SLC25A48: variants seen among roughly 807,000 people sequenced by gnomAD.
SLC25A48 encodes the protein CTC-321K16.1.
In SLC25A48, 29 loss-of-function variants were observed where a neutral mutation model predicts 32.2. The ratio of observed to expected loss-of-function variants is 0.90; its 90% confidence interval spans 0.67 to 1.23. The LOEUF is 1.23. SLC25A48 is among the 50% of genes most tolerant of loss of function. SLC25A48 has a pLI of 0.00. For synonymous variants in SLC25A48, 164 were observed against 172.3 expected (o/e 0.95, Z 0.38); for missense variants, 399 against 422.7 (o/e 0.94, Z 0.49).
intron 1 of SLC25A48, among the ~76,000 whole-genome samples, chr5:135,608,967 A>G (rs1290798597): frequency 2.6e-5 from 4 of 152,214 alleles, no homozygotes; most frequent in Non-Finnish European, 5.9e-5. Flanking sequence ...GATATCTGCC[A>G]TGTTGGGCTC....
At chr5:135,796,327 G>A (rs1363193261) in intron 3 of SLC25A48, among the ~76,000 whole-genome samples, 1 of 151,368 alleles carries the variant, frequency 6.6e-6, no homozygotes, top group Non-Finnish European at 1.5e-5. Flanking sequence ...TGGGGGGTGT[G>A]CACCCCCCTG....
At chr5:135,637,270 G>A (rs1440971405) in intron 3 of SLC25A48, among the ~76,000 whole-genome samples, 4 of 152,212 alleles carry the variant, frequency 2.6e-5, no homozygotes, top group African/African-American at 9.6e-5. Context: ...GAGGAGGAAA[G>A]CTTCGTAAAG....
chr5:135,646,681 A>ATATATATAT (rs1420073417), intron 3 of SLC25A48, among the ~76,000 whole-genome samples: 13 of 144,360 alleles, frequency 9.0e-5, no homozygotes, highest in South Asian at 2.2e-4. Context: ...ATATATATAC[A>ATATATATAT]ATGGGAAGGA....
intron 3 of SLC25A48, among the ~76,000 whole-genome samples, chr5:135,774,658 T>G (rs1756501541): frequency 1.3e-5 from 2 of 151,518 alleles, no homozygotes; most frequent in South Asian, 4.2e-4. Flanking sequence ...TCCCAAAAAG[T>G]GTATTTTGGG....
intron 3 of SLC25A48, among the ~76,000 whole-genome samples, chr5:135,799,548 C>G (rs1387572407): frequency 2.6e-5 from 4 of 151,380 alleles, no homozygotes; most frequent in Non-Finnish European, 5.9e-5. Context: ...TGTGTACACC[C>G]CCCTGTTGTA....
intron 3 of SLC25A48, among the ~76,000 whole-genome samples, chr5:135,756,731 A>G (rs1755916371): frequency 6.6e-6 from 1 of 152,112 alleles, no homozygotes; most frequent in Non-Finnish European, 1.5e-5. Flanking sequence ...CAGTGTTAAC[A>G]CACCATAATA....
At chr5:135,729,534 T>TAC (rs1219167197) in intron 3 of SLC25A48, among the ~76,000 whole-genome samples, 27 of 152,206 alleles carry the variant, frequency 1.8e-4, no homozygotes, top group Non-Finnish European at 7.3e-5. Flanking sequence ...CTGTAAGTTG[T>TAC]CAGCCTAAAA....
intron 1 of SLC25A48, among the ~76,000 whole-genome samples, chr5:135,585,692 A>G (rs1256603882): frequency 2.0e-5 from 3 of 152,196 alleles, no homozygotes; most frequent in Non-Finnish European, 4.4e-5. Flanking sequence ...CTAGTGTGTT[A>G]CAGAGTCAGA....
Position 135,674,891 on chromosome 5 carries a change from G to T in SLC25A48, c.-521+39935G>T, listed in dbSNP as rs950641647. Among the ~76,000 whole-genome samples the T allele has an allele frequency of 2.1e-5, 3 of 140,344 alleles. No homozygotes were observed. The Admixed American group carries it at 2.2e-4, about 10-fold the overall frequency. The allele number at this position is 140,344 out of a possible 152,430, so 92.1% of individuals were successfully genotyped here. A position where few individuals can be genotyped will look rare whatever the true frequency, so the allele number is the denominator to read the frequency against. Reference sequence around the variant, plus strand: ...AGTAATGGGATTGCTGGATCTTATGGTCATTCTATTTTTAGTGGGGTTTTT... The same window carrying T: ...AGTAATGGGATTGCTGGATCTTATGTTCATTCTATTTTTAGTGGGGTTTTT... On this transcript the variant is annotated intron_variant, in intron 3 of 10. Coordinates refer to the SLC25A48 transcript ENST00000646290.
intron 1 of SLC25A48, among the ~76,000 whole-genome samples, chr5:135,624,714 G>A (rs1387243976): frequency 6.6e-6 from 1 of 152,208 alleles, no homozygotes; most frequent in East Asian, 1.9e-4. Flanking sequence ...AAAAGTTGGT[G>A]CTTGTTTGAA....
intron 3 of SLC25A48, among the ~76,000 whole-genome samples, chr5:135,663,540 CTCCCATGTCTCTTCA>C (rs1404324890): frequency 6.6e-6 from 1 of 152,234 alleles, no homozygotes; most frequent in Non-Finnish European, 1.5e-5. Flanking sequence ...GGAAATCCTT[CTCCCATGTCTCTTCA>C]TCCCTGATTT....
In SLC25A48 at chr5:135,782,544, A is replaced by G. The variant is rs1423371760; in HGVS notation, c.-520-29979A>G. Among the ~76,000 whole-genome samples the G allele has an allele frequency of 2.2e-4, 26 of 116,836 alleles. 8 individuals are homozygous for G. Among genetic ancestry groups the G allele is most frequent in the Admixed American group, 1.9e-3 (22 of 11,430 alleles). 76.6% of individuals were successfully genotyped at this position (116,836 alleles called of 152,430 possible). Reference sequence around the variant, plus strand: ...AATATCCAGGGAAGGAGAGGATGATATTACTTTTAATATGGTAGGGAGGGT... The same window carrying G: ...AATATCCAGGGAAGGAGAGGATGATGTTACTTTTAATATGGTAGGGAGGGT... On this transcript the variant is annotated intron_variant, in intron 3 of 10. Transcript: ENST00000646290.
intron 3 of SLC25A48, among the ~76,000 whole-genome samples, chr5:135,688,366 T>C (rs1011858193): frequency 6.6e-6 from 1 of 152,188 alleles, no homozygotes; most frequent in Non-Finnish European, 1.5e-5. Context: ...ACTTTATTGG[T>C]GTTCTGATCT....
intron 2 of SLC25A48, among the ~76,000 whole-genome samples, chr5:135,632,231 C>T (rs535428419): frequency 1.3e-5 from 2 of 152,178 alleles, no homozygotes; most frequent in Non-Finnish European, 2.9e-5. Flanking sequence ...TGGGGAGCCA[C>T]TAAAAGGTTT....
intron 1 of SLC25A48, among the ~76,000 whole-genome samples, chr5:135,599,130 T>A (rs1189181016): frequency 1.3e-5 from 2 of 152,016 alleles, no homozygotes; most frequent in African/African-American, 4.8e-5. Context: ...GGCTTAGGAT[T>A]TTGTCTTTAT....
chr5:135,620,057 G>A (rs981614229), intron 1 of SLC25A48, among the ~76,000 whole-genome samples: 5 of 152,198 alleles, frequency 3.3e-5, no homozygotes, highest in Non-Finnish European at 7.3e-5. Flanking sequence ...GGCAGCAGGA[G>A]TGGCATGAGC....
intron 3 of SLC25A48, among the ~76,000 whole-genome samples, chr5:135,796,566 T>A (rs1005879765): frequency 4.7e-5 from 7 of 148,660 alleles, no homozygotes; most frequent in African/African-American, 1.7e-4. Context: ...TGGTTCATAA[T>A]ATCCACAGGG....
At chr5:135,782,400 C>G (rs7380492) in intron 3 of SLC25A48, among the ~76,000 whole-genome samples, 1 of 115,368 alleles carries the variant, frequency 8.7e-6, no homozygotes, top group Non-Finnish European at 2.1e-5. Context: ...ATATCACCCC[C>G]AATACCGCAG....
At chr5:135,758,175 A>G (rs1166221408) in intron 3 of SLC25A48, among the ~76,000 whole-genome samples, 1 of 150,730 alleles carries the variant, frequency 6.6e-6, no homozygotes, top group African/African-American at 2.4e-5. Flanking sequence ...TCTCTATAAT[A>G]TTTGTAATAT....
Sources: allele counts gnomAD v4.1 joint callset (sites outside exome capture counted in the v4.1 genomes callset), GRCh38; gene constraint gnomAD v4.1.1; transcripts MANE v1.5; gene names NCBI Gene and HGNC (gene_info 2026-07-23, HGNC 2026-07-21).